CDCP1: variants seen among roughly 807,000 people sequenced by gnomAD.
The protein encoded by CDCP1 is CUB domain-containing protein 1.
In CDCP1, 29 loss-of-function variants were observed where a neutral mutation model predicts 60.2. The ratio of observed to expected loss-of-function variants is 0.48; its 90% confidence interval spans 0.36 to 0.66. The LOEUF is 0.66. Among genes scored for constraint, CDCP1 ranks in the 30% least tolerant of loss-of-function variants. The pLI is 0.00. For synonymous variants in CDCP1, 387 were observed against 431.1 expected (o/e 0.90, Z 1.27); for missense variants, 876 against 1,074.3 (o/e 0.82, Z 2.58).
intron 4 of CDCP1, among the ~76,000 whole-genome samples, chr3:45,105,044 G>A (rs1312723919): frequency 1.3e-5 from 2 of 152,136 alleles, no homozygotes; most frequent in South Asian, 2.1e-4. Context: ...GCAAAACTCT[G>A]TCTCAAAAAA....
intron 7 of CDCP1, among the ~76,000 whole-genome samples, chr3:45,090,969 C>T (rs866686440): frequency 2.3e-4 from 35 of 152,296 alleles, no homozygotes; most frequent in African/African-American, 2.6e-4. Context: ...GCCCAGCCAA[C>T]GTTGGAGCAA....
intron 2 of CDCP1, 57 bp downstream of exon 2, chr3:45,118,354 AG>A: frequency 1.6e-6 from 2 of 1,226,420 alleles, no homozygotes; most frequent in Non-Finnish European, 2.4e-6. Flanking sequence ...AAAGACAGTC[AG>A]GGAGGTGTAG....
intron 1 of CDCP1, among the ~76,000 whole-genome samples, chr3:45,135,000 G>A (rs1356817631): frequency 6.6e-6 from 1 of 152,188 alleles, no homozygotes; most frequent in Admixed American, 6.5e-5. Flanking sequence ...CATTCACAAG[G>A]GTGACTGCAG....
At position 45,097,302 on chromosome 3, in the gene CDCP1, G is replaced by T. The variant is rs571215210; in HGVS notation, c.1025-1734C>A. ...AGCCTAGGCAATAGAGCAAGACTCT[G>T]TCTCCAAAAAAAAAAGAAAGAAAGA... On this transcript the variant is annotated intron_variant, in intron 4 of 8. Transcript: ENST00000296129. Among the ~76,000 whole-genome samples, 319 of 146,274 alleles carry T rather than the reference G, an allele frequency of 2.2e-3. 2 individuals are homozygous for T. The highest frequency in any genetic ancestry group is 2.7e-3 in the Non-Finnish European group (177 of 66,312).
rs149705409 is a variant in CDCP1, at chr3:45,096,096, G to A, written c.1025-528C>T. ...AATACTGAAAGCTGGAGAGGCTACA[G>A]GAAACAGGCCCTTTGGCACACGGCC... is the stretch of plus-strand genomic sequence containing the variant. On this transcript the variant is annotated intron_variant, in intron 4 of 8. Transcript: ENST00000296129. 3.5e-3 allele frequency among the ~76,000 whole-genome samples: 540 copies of A among 152,380 alleles called. 1 individual carries two copies. Among genetic ancestry groups the A allele is most frequent in the African/African-American group, 0.012 (507 of 41,592 alleles).
intron 1 of CDCP1, among the ~76,000 whole-genome samples, chr3:45,137,390 TGA>T (rs1328631069): frequency 6.6e-6 from 1 of 152,044 alleles, no homozygotes; most frequent in African/African-American, 2.4e-5. Context: ...GCCTGGAACT[TGA>T]GTTGTATTTC....
intron 1 of CDCP1, among the ~76,000 whole-genome samples, chr3:45,134,844 G>A (rs1420419916): frequency 6.6e-6 from 1 of 152,154 alleles, no homozygotes; most frequent in East Asian, 1.9e-4. Flanking sequence ...CTTCCAGGAG[G>A]TATTATGTCA....
At position 45,083,911 on chromosome 3, in the gene CDCP1, A is replaced by G. The variant is rs745321384; in HGVS notation, c.*1727T>C. 2 of 151,462 alleles carry G rather than the reference A, an allele frequency of 1.3e-5. No individual in the cohort carries two copies. The highest frequency in any genetic ancestry group is 2.9e-5 in the Non-Finnish European group (2 of 67,924). The allele number at this position is 151,462 out of a possible 1,614,324, so 9.4% of individuals were successfully genotyped here. On this transcript the variant is annotated 3_prime_UTR_variant, in exon 9 of 9. Transcript: ENST00000296129. ...GCAACAGAATGAGATCCTGTCTCACATTAAAAAAAAAAAGAAAAAGAAAAA... is the reference window on the plus strand; with the variant it reads ...GCAACAGAATGAGATCCTGTCTCACGTTAAAAAAAAAAAGAAAAAGAAAAA...
intron 1 of CDCP1, among the ~76,000 whole-genome samples, chr3:45,131,870 GAA>G (rs1699101511): frequency 6.6e-6 from 1 of 152,200 alleles, no homozygotes; most frequent in African/African-American, 2.4e-5. Context: ...GCCACGCACT[GAA>G]TAAGGGACAC....
intron 1 of CDCP1, among the ~76,000 whole-genome samples, chr3:45,139,134 A>G (rs1189738270): frequency 1.3e-5 from 2 of 152,148 alleles, no homozygotes; most frequent in Admixed American, 1.3e-4. Flanking sequence ...CCCATGACCC[A>G]ACACTTCCCA....
chr3:45,116,501 T>C (rs1448407634), intron 2 of CDCP1, among the ~76,000 whole-genome samples: 1 of 152,184 alleles, frequency 6.6e-6, no homozygotes, highest in Non-Finnish European at 1.5e-5. Context: ...AGCATCACAT[T>C]AACTGATTTG....
intron 1 of CDCP1, among the ~76,000 whole-genome samples, chr3:45,123,206 C>T (rs1209037655): frequency 6.6e-6 from 1 of 152,090 alleles, no homozygotes; most frequent in Non-Finnish European, 1.5e-5. Context: ...TGAAACCTTA[C>T]GAGGGTTAAA....
chr3:45,132,695 C>A (rs532805977), intron 1 of CDCP1, among the ~76,000 whole-genome samples: 59 of 152,376 alleles, frequency 3.9e-4, no homozygotes, highest in Non-Finnish European at 6.9e-4. Flanking sequence ...AAAACATCAA[C>A]TGTGCAGAGC....
intron 1 of CDCP1, among the ~76,000 whole-genome samples, chr3:45,128,057 T>G (rs1229938140): frequency 6.6e-6 from 1 of 152,194 alleles, no homozygotes; most frequent in African/African-American, 2.4e-5. Context: ...CATTCTGCCA[T>G]TATAGGCTCT....
intron 8 of CDCP1, among the ~76,000 whole-genome samples, chr3:45,087,988 C>T (rs189696142): frequency 1.3e-5 from 2 of 151,390 alleles, no homozygotes; most frequent in African/African-American, 4.8e-5. Context: ...CGCCACTGCA[C>T]TCCAGCCTGG....
At chr3:45,112,037 C>T in intron 3 of CDCP1, 46 bp downstream of exon 3, 2 of 1,582,918 alleles carry the variant, frequency 1.3e-6, no homozygotes, top group South Asian at 2.3e-5. Flanking sequence ...CAATGATGAT[C>T]TTGTGTGTTT....
At chr3:45,126,025 A>G (rs559403302) in intron 1 of CDCP1, among the ~76,000 whole-genome samples, 7 of 152,302 alleles carry the variant, frequency 4.6e-5, no homozygotes, top group African/African-American at 1.4e-4. Flanking sequence ...GGGTACCACA[A>G]TGAGCTGCCC....
chr3:45,142,224 C>A (rs1038922006), intron 1 of CDCP1, among the ~76,000 whole-genome samples: 6 of 152,142 alleles, frequency 3.9e-5, no homozygotes, highest in Non-Finnish European at 8.8e-5. Flanking sequence ...GTCCCACCCA[C>A]CCTGACCTCA....
At chr3:45,104,068 G>T (rs921151287) in intron 4 of CDCP1, among the ~76,000 whole-genome samples, 14 of 152,282 alleles carry the variant, frequency 9.2e-5, no homozygotes, top group Middle Eastern at 3.4e-3. Context: ...GATGTTCTCA[G>T]CCTTTCTTGT....
Sources: allele counts gnomAD v4.1 joint callset (sites outside exome capture counted in the v4.1 genomes callset), GRCh38; gene constraint gnomAD v4.1.1; transcripts MANE v1.5; gene names NCBI Gene and HGNC (gene_info 2026-07-23, HGNC 2026-07-21).